Variants in NBEA observed in about 807,000 individuals in gnomAD.
NBEA encodes neurobeachin.
NBEA carries 44 observed loss-of-function variants against 343.4 expected under a neutral mutation model. That is an observed-to-expected ratio of 0.13 (90% confidence interval 0.10 to 0.16). The LOEUF is 0.16. NBEA is among the 10% of genes least tolerant of loss of function. The probability of loss-of-function intolerance (pLI) is 1.00; values close to 1 mark genes in which losing one functional copy is unlikely to be tolerated. For missense variants in NBEA, 2,555 were observed against 3,631.3 expected (o/e 0.70, Z 7.62); for synonymous variants, 1,175 against 1,238.7 (o/e 0.95, Z 1.08).
intron 10 of NBEA, among the ~76,000 whole-genome samples, chr13:35,096,891 A>G (rs1014109295): frequency 1.3e-5 from 2 of 151,922 alleles, no homozygotes; most frequent in Non-Finnish European, 2.9e-5. Context: ...TGGTAGTTGT[A>G]TTTTTCTTGT....
At chr13:35,297,249 C>T (rs567183579) in intron 35 of NBEA, among the ~76,000 whole-genome samples, 1 of 151,896 alleles carries the variant, frequency 6.6e-6, no homozygotes, top group African/African-American at 2.4e-5. Flanking sequence ...TTTCACGAAG[C>T]CTTTCTGTAT....
chr13:35,640,740 G>A lies in NBEA; in HGVS notation c.7618-5129G>A, dbSNP rs116550689. ...GGGAGCTCTATATACAGATAAGCAGGTAAAACTGAGTTATGTGTCATATAT... is the reference window on the plus strand; with the variant it reads ...GGGAGCTCTATATACAGATAAGCAGATAAAACTGAGTTATGTGTCATATAT... On this transcript the variant is annotated intron_variant, in intron 49 of 58. Coordinates refer to ENST00000379939, the MANE Select transcript of NBEA (RefSeq NM_001385012.1). Among the ~76,000 whole-genome samples the A allele has an allele frequency of 4.3e-3, 655 of 152,216 alleles. 4 individuals carry two copies. The highest frequency in any genetic ancestry group is 0.015 in the African/African-American group (627 of 41,538).
At chr13:35,662,320 G>C (rs2085132181) in intron 55 of NBEA, among the ~76,000 whole-genome samples, 1 of 152,210 alleles carries the variant, frequency 6.6e-6, no homozygotes, top group African/African-American at 2.4e-5. Context: ...GCAGTGGTGG[G>C]CCTGAGGGCA....
intron 38 of NBEA, among the ~76,000 whole-genome samples, chr13:35,431,189 A>G (rs1315388191): frequency 6.6e-6 from 1 of 152,246 alleles, no homozygotes; most frequent in East Asian, 1.9e-4. Context: ...TGTGCTAGAA[A>G]TATAATGATG....
chr13:35,374,981 A>C (rs1167343445), intron 38 of NBEA, among the ~76,000 whole-genome samples: 1 of 152,154 alleles, frequency 6.6e-6, no homozygotes, highest in Non-Finnish European at 1.5e-5. Context: ...GTTCATTTGT[A>C]AATGTTTTCC....
intron 41 of NBEA, chr13:35,475,057 C>T (rs1291778089): frequency 8.1e-6 from 13 of 1,610,332 alleles, no homozygotes; most frequent in Non-Finnish European, 1.0e-5. Context: ...TTAAATCATC[C>T]TCTAAAGTTT....
intron 41 of NBEA, among the ~76,000 whole-genome samples, chr13:35,546,082 A>T (rs2079044357): frequency 6.6e-6 from 1 of 152,218 alleles, no homozygotes; most frequent in Non-Finnish European, 1.5e-5. Flanking sequence ...TATGTGCCAG[A>T]CACTATTTTA....
At position 35,530,991 on chromosome 13, in the gene NBEA, C is replaced by T. The variant is rs549574136; in HGVS notation, c.6586-19486C>T. ...GCTTCGACGTCAGAAAGAGAAATTA[C>T]GGAAGACTGTAGAATACTTGCTAAT... On this transcript the variant is annotated intron_variant, in intron 41 of 58. Coordinates refer to ENST00000379939, the MANE Select transcript of NBEA (RefSeq NM_001385012.1). Among the ~76,000 whole-genome samples the T allele has an allele frequency of 3.7e-4, 56 of 152,248 alleles. 1 individual carries two copies. The highest frequency in any genetic ancestry group is 3.4e-3 in the Middle Eastern group (1 of 294).
Position 35,213,858 on chromosome 13 carries a change from A to G in NBEA, c.5648+2679A>G, listed in dbSNP as rs73491638. 6.5e-3 allele frequency among the ~76,000 whole-genome samples: 982 copies of G among 152,068 alleles called. 11 individuals carry two copies. Among genetic ancestry groups the G allele is most frequent in the African/African-American group, 0.023 (941 of 41,554 alleles). Reference sequence around the variant, plus strand: ...AACCACCACCACAATCAAGATGTAGAATATACCCATCACCCCGAAAGTTCT... The same window carrying G: ...AACCACCACCACAATCAAGATGTAGGATATACCCATCACCCCGAAAGTTCT... On this transcript the variant is annotated intron_variant, in intron 33 of 58. Coordinates refer to ENST00000379939, the MANE Select transcript of NBEA (RefSeq NM_001385012.1).
At chr13:35,205,679 G>T (rs2073342991) in intron 31 of NBEA, among the ~76,000 whole-genome samples, 1 of 151,804 alleles carries the variant, frequency 6.6e-6, no homozygotes, top group Admixed American at 6.6e-5. Context: ...TTTCAGTCTG[G>T]GTATTTTTGC....
intron 1 of NBEA, among the ~76,000 whole-genome samples, chr13:34,963,810 G>A (rs768478512): frequency 1.3e-4 from 19 of 151,674 alleles, no homozygotes; most frequent in African/African-American, 4.6e-4. Flanking sequence ...TTTGACTCCA[G>A]CTAATTAAAA....
At chr13:35,516,429 A>G (rs73497997) in intron 41 of NBEA, among the ~76,000 whole-genome samples, 6,597 of 152,250 alleles carry the variant, frequency 0.043, 511 homozygotes, top group African/African-American at 0.15. Context: ...CTGTATGCCT[A>G]TAATGTTTTA....
At chr13:35,036,807 T>C (rs1230716021) in intron 1 of NBEA, among the ~76,000 whole-genome samples, 5 of 152,176 alleles carry the variant, frequency 3.3e-5, no homozygotes, top group Admixed American at 6.5e-5. Context: ...GTTTCTTTTC[T>C]CTTGCAGCTT....
At chr13:35,584,105 A>G in intron 46 of NBEA, 67 bp downstream of exon 46, 1 of 1,389,918 alleles carries the variant, frequency 7.2e-7, no homozygotes, top group South Asian at 1.2e-5. Context: ...AAATTAAATA[A>G]AAATCAAATC....
intron 1 of NBEA, among the ~76,000 whole-genome samples, chr13:35,029,063 C>G (rs897785040): frequency 2.0e-5 from 3 of 151,286 alleles, no homozygotes; most frequent in Admixed American, 6.6e-5. Context: ...TTTGTTTCTG[C>G]TTATTCATAT....
At chr13:35,478,344 C>T (rs921245365) in intron 41 of NBEA, among the ~76,000 whole-genome samples, 3 of 152,222 alleles carry the variant, frequency 2.0e-5, no homozygotes, top group Admixed American at 2.0e-4. Context: ...CAAAAAACCC[C>T]TCCCCACTTT....
chr13:35,652,903 C>T (rs956035481), intron 53 of NBEA, among the ~76,000 whole-genome samples: 2 of 150,020 alleles, frequency 1.3e-5, no homozygotes, highest in African/African-American at 4.9e-5. Flanking sequence ...ACCGTGTTAG[C>T]CAGGATGGTC....
In NBEA at chr13:35,477,887, A is replaced by AT. The variant is rs796416397; in HGVS notation, c.6585+5360dup. 1.4e-4 allele frequency among the ~76,000 whole-genome samples: 22 copies of AT among 151,852 alleles called. No individual in the cohort carries two copies. The South Asian group carries it at 3.5e-3, about 24-fold the overall frequency. On this transcript the variant is annotated intron_variant, in intron 41 of 58. Transcript: ENST00000379939. ...TTGGAACCTGGAAACAGGAGGAGGA[A>AT]TTTTTTTTTCTAGTTGGTGGTCCAG...
intron 55 of NBEA, among the ~76,000 whole-genome samples, chr13:35,662,962 A>G (rs1374657913): frequency 6.6e-6 from 1 of 152,208 alleles, no homozygotes; most frequent in Admixed American, 6.5e-5. Flanking sequence ...TACACATAAA[A>G]TCTTACAAAT....
Sources: allele counts gnomAD v4.1 joint callset (sites outside exome capture counted in the v4.1 genomes callset), GRCh38; gene constraint gnomAD v4.1.1; transcripts MANE v1.5; gene names NCBI Gene and HGNC (gene_info 2026-07-23, HGNC 2026-07-21).